The following FARP2 variants were observed in gnomAD, a reference collection of about 807,000 sequenced individuals.
FARP2 encodes the protein FERM, ARH/RhoGEF and pleckstrin domain protein 2, also known as FERM, ARHGEF and pleckstrin domain-containing protein 2.
Under a neutral mutation model 130.5 loss-of-function variants are expected in FARP2, and 111 were observed. That is an observed-to-expected ratio of 0.85 (90% CI 0.73 to 1.00). The LOEUF (loss-of-function observed/expected upper bound fraction) is 1.00. Ranked by LOEUF, FARP2 falls within the 50% of genes least tolerant of loss-of-function variation. The pLI is 0.00. For synonymous variants in FARP2, 504 were observed against 516.9 expected, an observed-to-expected ratio of 0.98 and a Z score of 0.34; for missense variants, 1,385 against 1,346.3, an observed-to-expected ratio of 1.03 and a Z score of -0.45.
At chr2:241,398,629 G>T (rs1422088631) in intron 2 of FARP2, among the ~76,000 whole-genome samples, 1 of 151,514 alleles carries the variant, frequency 6.6e-6, no homozygotes, top group Non-Finnish European at 1.5e-5. Flanking sequence ...GAGTGCAGTG[G>T]TGCAATCTTG....
chr2:241,367,260 A>C (rs1201650770), intron 1 of FARP2, among the ~76,000 whole-genome samples: 2 of 152,076 alleles, frequency 1.3e-5, no homozygotes, highest in Admixed American at 1.3e-4. Flanking sequence ...ACACTGTAGC[A>C]GTGTTGGTGT....
intron 2 of FARP2, among the ~76,000 whole-genome samples, chr2:241,403,167 A>T (rs761972831): frequency 6.6e-6 from 1 of 151,422 alleles, no homozygotes; most frequent in East Asian, 1.9e-4. Flanking sequence ...ATTTACTGGG[A>T]TCTTATATAA....
At chr2:241,404,661 C>T in intron 3 of FARP2, 138 bp from the exon 4 acceptor site, 1 of 618,004 alleles carries the variant, frequency 1.6e-6, no homozygotes, top group Non-Finnish European at 2.9e-6. Context: ...AGGATTCAAC[C>T]TTTAAGAGGG....
chr2:241,367,492 C>T (rs890177730), intron 1 of FARP2, among the ~76,000 whole-genome samples: 4 of 152,116 alleles, frequency 2.6e-5, no homozygotes, highest in South Asian at 2.1e-4. Flanking sequence ...AGAGGTAATG[C>T]GCCCCAGGGC....
chr2:241,435,908 A>ATTTTTTTTTTT (rs34703186), intron 11 of FARP2, among the ~76,000 whole-genome samples: 1 of 101,000 alleles, frequency 9.9e-6, no homozygotes, highest in Non-Finnish European at 2.0e-5. Flanking sequence ...AGTATAGTAA[A>ATTTTTTTTTTT]TTTTTTTTTT....
intron 13 of FARP2, among the ~76,000 whole-genome samples, chr2:241,450,792 A>G (rs2063635521): frequency 6.6e-6 from 1 of 152,198 alleles, no homozygotes; most frequent in African/African-American, 2.4e-5. Flanking sequence ...TCTACTAAAA[A>G]TACAAAACAA....
intron 2 of FARP2, among the ~76,000 whole-genome samples, chr2:241,402,880 ATTTTTTTTTTTT>A (rs1194888946): frequency 4.1e-4 from 4 of 9,728 alleles, no homozygotes; most frequent in Admixed American, 2.3e-3. Flanking sequence ...ATATATATAT[ATTTTTTTTTTTT>A]TTTTTTTTTT....
At chr2:241,407,194 G>C in intron 4 of FARP2, among the ~76,000 whole-genome samples, 1 of 152,014 alleles carries the variant, frequency 6.6e-6, no homozygotes, top group East Asian at 1.9e-4. Flanking sequence ...TGGTACTTGG[G>C]ACTCATAAAT....
intron 13 of FARP2, among the ~76,000 whole-genome samples, chr2:241,453,433 T>A (rs186919445): frequency 6.6e-6 from 1 of 150,658 alleles, no homozygotes; most frequent in Non-Finnish European, 1.5e-5. Flanking sequence ...CCATCCTGGC[T>A]AACATGGTGA....
At chr2:241,429,494 CG>C (rs2063039323) in intron 8 of FARP2, among the ~76,000 whole-genome samples, 1 of 152,186 alleles carries the variant, frequency 6.6e-6, no homozygotes, top group Non-Finnish European at 1.5e-5. Flanking sequence ...AGTGATGATG[CG>C]TCCTGATTCA....
At chr2:241,407,021 G>A (rs2062376310) in intron 4 of FARP2, among the ~76,000 whole-genome samples, 1 of 151,140 alleles carries the variant, frequency 6.6e-6, no homozygotes. Context: ...TGTTGGCCAG[G>A]ATGGTCTCGA....
chr2:241,481,521 C>T (rs2064615311), intron 19 of FARP2, among the ~76,000 whole-genome samples: 1 of 152,198 alleles, frequency 6.6e-6, no homozygotes, highest in South Asian at 2.1e-4. Context: ...CTGTAATATA[C>T]AGGAAACCTT....
chr2:241,461,911 C>T (rs1392347234), intron 14 of FARP2, among the ~76,000 whole-genome samples: 1 of 152,240 alleles, frequency 6.6e-6, no homozygotes, highest in Non-Finnish European at 1.5e-5. Context: ...CATCATGAGG[C>T]ATGTGCTTTG....
chr2:241,383,911 G>A (rs997111945), intron 2 of FARP2, among the ~76,000 whole-genome samples: 5 of 152,086 alleles, frequency 3.3e-5, no homozygotes, highest in African/African-American at 9.7e-5. Context: ...GGCTTGGTGG[G>A]AAGAAGCGTT....
chr2:241,463,100 G>A (rs2064069264), intron 15 of FARP2, among the ~76,000 whole-genome samples: 1 of 152,184 alleles, frequency 6.6e-6, no homozygotes, highest in Non-Finnish European at 1.5e-5. Flanking sequence ...AAGTTTTTGT[G>A]AAGCTATAAA....
At position 241,468,129 on chromosome 2, in the gene FARP2, C is replaced by T. The variant is rs370822169; in HGVS notation, c.1894-11C>T. 22 of 1,567,720 alleles carry T rather than the reference C, an allele frequency of 1.4e-5. No homozygotes were observed. Among genetic ancestry groups the T allele is most frequent in the Middle Eastern group, 3.3e-4 (2 of 6,016 alleles). ...TCCTCACCTAAAGGCCCCACTCTTG[C>T]GCCTCCACAGGAGTTTACCAGCTAC... On this transcript the variant is annotated splice_polypyrimidine_tract_variant and intron_variant, in intron 17 of 26. Transcript: ENST00000264042.
intron 14 of FARP2, among the ~76,000 whole-genome samples, chr2:241,460,647 A>C (rs1173719524): frequency 1.3e-5 from 2 of 152,182 alleles, no homozygotes; most frequent in African/African-American, 2.4e-5. Flanking sequence ...TTCATTTGAA[A>C]GATAAAAAAG....
At chr2:241,492,633 CTT>C (rs1444832316) in intron 24 of FARP2, 7 of 319,798 alleles carry the variant, frequency 2.2e-5, no homozygotes, top group Non-Finnish European at 4.1e-5. Flanking sequence ...CTTAAGGTAT[CTT>C]CTCTCTTCTG....
At chr2:241,468,114 A>G (rs1420671570) in intron 17 of FARP2, 26 bp from the exon 18 acceptor site, 1 of 1,471,040 alleles carries the variant, frequency 6.8e-7, no homozygotes. Flanking sequence ...TCCTCACCTA[A>G]AGGCCCCACT....
Sources: allele counts gnomAD v4.1 joint callset (sites outside exome capture counted in the v4.1 genomes callset), GRCh38; gene constraint gnomAD v4.1.1; transcripts MANE v1.5; gene names NCBI Gene and HGNC (gene_info 2026-07-23, HGNC 2026-07-21).